The following NFATC2 variants were observed in gnomAD, a reference collection of about 807,000 sequenced individuals.
NFATC2 encodes nuclear factor of activated T cells 2.
A neutral mutation model predicts 87.3 loss-of-function variants in NFATC2; 22 were observed. The ratio of observed to expected loss-of-function variants is 0.25; its 90% CI spans 0.18 to 0.36. The LOEUF (loss-of-function observed/expected upper bound fraction) is 0.36, where lower values mean the gene tolerates loss of function less well. NFATC2 is among the 10% of genes least tolerant of loss of function. The pLI is 1.00. For missense variants in NFATC2, 1,149 were observed against 1,259.1 expected (o/e 0.91, Z 1.32); for synonymous variants, 565 against 542.2 (o/e 1.04, Z -0.58).
At chr20:51,405,631 C>A (rs146555751) in intron 9 of NFATC2, among the ~76,000 whole-genome samples, 2 of 152,268 alleles carry the variant, frequency 1.3e-5, no homozygotes, top group Admixed American at 1.3e-4. Flanking sequence ...TTAACACCAA[C>A]CTCTCACTGG....
intron 9 of NFATC2, among the ~76,000 whole-genome samples, chr20:51,426,477 CAA>C (rs140465988): frequency 3.7e-4 from 33 of 88,028 alleles, no homozygotes; most frequent in African/African-American, 1.2e-3. Context: ...GACTTTGTCT[CAA>C]AAAAAAAAAA....
intron 5 of NFATC2, among the ~76,000 whole-genome samples, chr20:51,459,820 A>G (rs1986958076): frequency 6.6e-6 from 1 of 152,146 alleles, no homozygotes; most frequent in Non-Finnish European, 1.5e-5. Flanking sequence ...CGGATGTTGC[A>G]GTGAGCCGAG....
At chr20:51,469,263 G>A (rs1189904882) in intron 5 of NFATC2, among the ~76,000 whole-genome samples, 2 of 152,118 alleles carry the variant, frequency 1.3e-5, no homozygotes, top group East Asian at 1.9e-4. Context: ...GCGATCGTCC[G>A]GCCTTAGCCT....
At chr20:51,412,612 G>A (rs973047204) in intron 9 of NFATC2, among the ~76,000 whole-genome samples, 1 of 152,140 alleles carries the variant, frequency 6.6e-6, no homozygotes, top group Non-Finnish European at 1.5e-5. Flanking sequence ...GAGCACCCTG[G>A]CCAGGCCAGG....
intron 1 of NFATC2, among the ~76,000 whole-genome samples, chr20:51,560,357 G>A (rs2077010715): frequency 6.6e-6 from 1 of 152,156 alleles, no homozygotes; most frequent in Non-Finnish European, 1.5e-5. Flanking sequence ...CTGGGTTTGG[G>A]AGAGAACAAA....
In NFATC2 at chr20:51,412,341, G is replaced by A. The variant is rs112205308; in HGVS notation, c.2723-13611C>T. ...TGGCCCTCTTAGATGCAGCCAAGCC[G>A]TCTGCATTCTGAGTCACAAGGCCAT... On this transcript the variant is annotated intron_variant, in intron 9 of 10. Transcript: ENST00000371564. 4.5e-4 allele frequency among the ~76,000 whole-genome samples: 69 copies of A among 152,280 alleles called. 6 individuals carry two copies. In the East Asian group the frequency reaches 0.012, roughly 27 times the overall value.
rs564569127 is a variant in NFATC2, at chr20:51,398,730, T to C, written c.2723A>G (p.Glu908Gly). 15 of 1,606,990 alleles carry C rather than the reference T, an allele frequency of 9.3e-6. No individual in the cohort carries two copies. The highest frequency in any genetic ancestry group is 1.3e-5 in the Non-Finnish European group (15 of 1,175,042). ...QNLDQTYLDDELIDTHLSWIQ... is the reference protein window; with the variant it reads ...QNLDQTYLDDGLIDTHLSWIQ... Reference sequence around the variant, plus strand: ...CCAGCTAAGGTGTGTGTCTATCAGCTCTGAAAAAGATTTGCAAAATCATTT... The same window carrying C: ...CCAGCTAAGGTGTGTGTCTATCAGCCCTGAAAAAGATTTGCAAAATCATTT... The change falls in exon 10 of 11, where the codon GAG (glutamate) becomes GGG (glycine). Residue 908 changes from glutamate (E) to glycine (G), a missense_variant and splice_region_variant. Transcript: ENST00000371564.
At chr20:51,441,482 A>G (rs1274952524) in intron 6 of NFATC2, among the ~76,000 whole-genome samples, 1 of 151,380 alleles carries the variant, frequency 6.6e-6, no homozygotes, top group African/African-American at 2.4e-5. Context: ...TTGGGAGGCC[A>G]AGGTAGGTGG....
At chr20:51,404,208 C>T (rs930909517) in intron 9 of NFATC2, among the ~76,000 whole-genome samples, 6 of 152,180 alleles carry the variant, frequency 3.9e-5, no homozygotes, top group South Asian at 2.1e-4. Context: ...GCTGTCCTGG[C>T]GAGGGGCTCA....
At chr20:51,417,604 A>C (rs6021189) in intron 9 of NFATC2, among the ~76,000 whole-genome samples, 3,795 of 151,930 alleles carry the variant, frequency 0.025, 172 homozygotes, top group African/African-American at 0.087. Context: ...ACTTTATTGA[A>C]CTCCGCACTT....
chr20:51,402,426 C>G (rs551249685), intron 9 of NFATC2, among the ~76,000 whole-genome samples: 1 of 151,900 alleles, frequency 6.6e-6, no homozygotes, highest in African/African-American at 2.4e-5. Context: ...CAACCCTCTG[C>G]TAAGAAACAT....
Position 51,482,846 on chromosome 20 carries a change from T to C in NFATC2, c.1333-7186A>G, listed in dbSNP as rs143091710. The stretch of plus-strand genomic sequence containing the variant: ...TATTGGCATTCGAGTTTATGTACTG[T>C]CTCCATTGACTAAGATGGTCATGTC... On this transcript the variant is annotated intron_variant, in intron 3 of 10. Transcript: ENST00000371564. 3.3e-3 allele frequency among the ~76,000 whole-genome samples: 499 copies of C among 152,358 alleles called. 4 individuals carry two copies. The highest frequency in any genetic ancestry group is 0.012 in the African/African-American group (484 of 41,576).
At chr20:51,503,824 T>C (rs2076131565) in intron 3 of NFATC2, among the ~76,000 whole-genome samples, 1 of 152,166 alleles carries the variant, frequency 6.6e-6, no homozygotes, top group Admixed American at 6.5e-5. Context: ...CAATCTCACT[T>C]GATGCTTGAC....
intron 1 of NFATC2, among the ~76,000 whole-genome samples, chr20:51,531,690 G>A (rs1016536484): frequency 3.3e-5 from 5 of 152,122 alleles, no homozygotes; most frequent in African/African-American, 1.2e-4. Context: ...CAAGCCTGTC[G>A]GTTTCCCTAA....
At chr20:51,492,885 C>T (rs954846980) in intron 3 of NFATC2, among the ~76,000 whole-genome samples, 8 of 152,248 alleles carry the variant, frequency 5.3e-5, no homozygotes, top group African/African-American at 1.9e-4. Context: ...CCTTTCATGT[C>T]GCCCTGGGTT....
chr20:51,446,101 C>T (rs1210393486), intron 6 of NFATC2, among the ~76,000 whole-genome samples: 1 of 152,162 alleles, frequency 6.6e-6, no homozygotes, highest in Non-Finnish European at 1.5e-5. Flanking sequence ...ACTCGACTTC[C>T]CCATCCGTAA....
intron 3 of NFATC2, among the ~76,000 whole-genome samples, chr20:51,511,929 T>A (rs1336853924): frequency 6.6e-6 from 1 of 152,218 alleles, no homozygotes; most frequent in African/African-American, 2.4e-5. Context: ...TTTTAAGCCC[T>A]GCACAGTTTG....
intron 1 of NFATC2, among the ~76,000 whole-genome samples, chr20:51,553,169 G>C (rs1568759194): frequency 6.6e-6 from 1 of 152,086 alleles, no homozygotes; most frequent in Non-Finnish European, 1.5e-5. Flanking sequence ...CTGTTCCCTG[G>C]GGATGCCCTC....
chr20:51,452,842 C>G (rs1985969484), intron 6 of NFATC2: 1 of 154,618 alleles, frequency 6.5e-6, no homozygotes, highest in Non-Finnish European at 1.5e-5. Flanking sequence ...CAGACCTTAC[C>G]TTTGTGGGTA....
Sources: gnomAD v4.1 joint callset for allele counts (sites outside exome capture counted in the v4.1 genomes callset) on GRCh38, gnomAD v4.1.1 for gene constraint, MANE v1.5 for transcripts, NCBI Gene and HGNC (gene_info 2026-07-23, HGNC 2026-07-21) for gene names.